The following ROBO2 variants were observed in gnomAD, a reference collection of about 807,000 sequenced individuals.
The protein encoded by ROBO2 is roundabout guidance receptor 2.
In ROBO2, 53 loss-of-function variants were observed where a neutral mutation model predicts 160.8. That is an observed-to-expected ratio of 0.33 (90% confidence interval 0.26 to 0.41). The LOEUF is 0.41. ROBO2 is among the 10% of genes least tolerant of loss of function. ROBO2 has a pLI of 1.00. For missense variants in ROBO2, 1,577 were observed against 1,722.4 expected (o/e 0.92, Z 1.49); for synonymous variants, 664 against 611.7 (o/e 1.09, Z -1.26).
intron 2 of ROBO2, among the ~76,000 whole-genome samples, chr3:76,732,767 G>A (rs2093655603): frequency 1.3e-5 from 2 of 152,174 alleles, no homozygotes; most frequent in Non-Finnish European, 1.5e-5. Flanking sequence ...AGAGAGATTG[G>A]TGAAGGACTG....
intron 2 of ROBO2, among the ~76,000 whole-genome samples, chr3:77,407,992 G>A (rs558119847): frequency 3.1e-4 from 47 of 152,034 alleles, no homozygotes; most frequent in African/African-American, 9.4e-4. Context: ...CTGGAAAGGT[G>A]CATGCACTTC....
intron 2 of ROBO2, among the ~76,000 whole-genome samples, chr3:76,929,508 A>G (rs1290095946): frequency 6.6e-6 from 1 of 152,212 alleles, no homozygotes; most frequent in Non-Finnish European, 1.5e-5. Flanking sequence ...TGTAAGCCAC[A>G]GTCATCTCTC....
At chr3:75,966,098 A>T (rs1949101070) in intron 2 of ROBO2, among the ~76,000 whole-genome samples, 1 of 151,744 alleles carries the variant, frequency 6.6e-6, no homozygotes, top group Non-Finnish European at 1.5e-5. Context: ...TTATACAAAT[A>T]AGTCTTTATT....
At chr3:76,217,381 G>A (rs996588154) in intron 2 of ROBO2, among the ~76,000 whole-genome samples, 6 of 152,026 alleles carry the variant, frequency 3.9e-5, no homozygotes, top group South Asian at 4.2e-4. Flanking sequence ...AGGAGCTGGC[G>A]TTTTGAAAAG....
intron 2 of ROBO2, among the ~76,000 whole-genome samples, chr3:76,227,850 A>T (rs146388786): frequency 0.018 from 2,803 of 152,300 alleles, 47 homozygotes; most frequent in Non-Finnish European, 0.028. Flanking sequence ...AATCTTTTGA[A>T]CACACACATA....
chr3:75,929,925 C>A (rs1331355686), intron 1 of ROBO2, among the ~76,000 whole-genome samples: 6 of 152,094 alleles, frequency 3.9e-5, no homozygotes, highest in Non-Finnish European at 1.5e-5. Context: ...GAACTCCTGA[C>A]CTCAGGTGAT....
intron 2 of ROBO2, among the ~76,000 whole-genome samples, chr3:76,061,765 C>T (rs1486752957): frequency 3.9e-5 from 6 of 151,966 alleles, no homozygotes; most frequent in Admixed American, 6.6e-5. Context: ...AATTATGTAG[C>T]CTAGAAATTC....
At chr3:76,346,725 G>T (rs910735189) in intron 2 of ROBO2, among the ~76,000 whole-genome samples, 9 of 151,994 alleles carry the variant, frequency 5.9e-5, no homozygotes, top group African/African-American at 1.9e-4. Flanking sequence ...CATATTATGA[G>T]AATTTAGCCT....
chr3:77,226,262 C>T (rs767456161), intron 2 of ROBO2, among the ~76,000 whole-genome samples: 19 of 151,614 alleles, frequency 1.3e-4, no homozygotes, highest in Non-Finnish European at 2.1e-4. Context: ...ATAAGATGAC[C>T]CTATATGGAC....
chr3:76,035,189 C>CT (rs34206603), intron 2 of ROBO2, among the ~76,000 whole-genome samples: 49,303 of 142,942 alleles, frequency 0.34, 9,500 homozygotes, highest in Non-Finnish European at 0.44. Flanking sequence ...GTAAATATAT[C>CT]TTTTTTTTTT....
At chr3:77,304,668 A>G (rs2062946444) in intron 2 of ROBO2, among the ~76,000 whole-genome samples, 1 of 152,218 alleles carries the variant, frequency 6.6e-6, no homozygotes, top group African/African-American at 2.4e-5. Flanking sequence ...GAAGGCCAAT[A>G]TTGCTAAATA....
At chr3:76,080,918 G>A (rs1047986135) in intron 2 of ROBO2, among the ~76,000 whole-genome samples, 5 of 151,958 alleles carry the variant, frequency 3.3e-5, no homozygotes, top group African/African-American at 1.2e-4. Flanking sequence ...TCTTACAATT[G>A]TTTGTCCTAT....
At chr3:76,798,374 AC>A (rs1476852026) in intron 2 of ROBO2, among the ~76,000 whole-genome samples, 1 of 152,202 alleles carries the variant, frequency 6.6e-6, no homozygotes, top group East Asian at 1.9e-4. Flanking sequence ...AAAATCCTCA[AC>A]AAAATACTAG....
intron 2 of ROBO2, among the ~76,000 whole-genome samples, chr3:76,355,192 G>A (rs1164946854): frequency 6.6e-6 from 1 of 151,580 alleles, no homozygotes; most frequent in Non-Finnish European, 1.5e-5. Flanking sequence ...AATGATAATT[G>A]ATTACAATTT....
chr3:76,083,706 A>C (rs754208155), intron 2 of ROBO2, among the ~76,000 whole-genome samples: 99 of 152,100 alleles, frequency 6.5e-4, no homozygotes, highest in Non-Finnish European at 2.4e-4. Flanking sequence ...TACACCTCCT[A>C]TGGCTTGTTC....
intron 2 of ROBO2, among the ~76,000 whole-genome samples, chr3:76,442,272 A>C (rs1464943273): frequency 1.3e-5 from 2 of 152,150 alleles, no homozygotes; most frequent in Non-Finnish European, 2.9e-5. Flanking sequence ...CTGCGTCAAA[A>C]ACTGCCCCAG....
At chr3:77,328,996 C>A (rs749226592) in intron 2 of ROBO2, among the ~76,000 whole-genome samples, 2 of 152,158 alleles carry the variant, frequency 1.3e-5, no homozygotes, top group Non-Finnish European at 2.9e-5. Flanking sequence ...CTTTTCCTTG[C>A]GTTCTCTTGT....
chr3:77,249,492 G>C (rs543152677), intron 2 of ROBO2, among the ~76,000 whole-genome samples: 1 of 152,054 alleles, frequency 6.6e-6, no homozygotes. Flanking sequence ...AGCATCTCAC[G>C]GCACCTTTAA....
chr3:76,449,100 T>C (rs961318399), intron 2 of ROBO2, among the ~76,000 whole-genome samples: 5 of 152,190 alleles, frequency 3.3e-5, no homozygotes, highest in Non-Finnish European at 7.3e-5. Context: ...TTTCCATTCA[T>C]GTAATGGAAC....
Sources: allele counts gnomAD v4.1 joint callset (sites outside exome capture counted in the v4.1 genomes callset), GRCh38; gene constraint gnomAD v4.1.1; transcripts MANE v1.5; gene names NCBI Gene and HGNC (gene_info 2026-07-23, HGNC 2026-07-21).